MBD5: variants seen among roughly 807,000 people sequenced by gnomAD.
MBD5 encodes the protein methyl-CpG binding domain protein 5.
Under a neutral mutation model 117.3 loss-of-function variants are expected in MBD5, and 13 were observed. The observed-to-expected ratio is 0.11, with a 90% confidence interval of 0.07 to 0.18. MBD5 has a LOEUF of 0.18. Ranked by LOEUF, MBD5 falls within the 10% of genes least tolerant of loss-of-function variation. The probability of loss-of-function intolerance (pLI) is 1.00; values close to 1 mark genes in which losing one functional copy is unlikely to be tolerated. For missense variants in MBD5, 1,879 were observed against 2,093.8 expected, an observed-to-expected ratio of 0.90 and a Z score of 2.00; for synonymous variants, 727 against 766.4, an observed-to-expected ratio of 0.95 and a Z score of 0.85.
intron 4 of MBD5, among the ~76,000 whole-genome samples, chr2:148,362,234 T>C (rs1300512482): frequency 6.6e-6 from 1 of 152,186 alleles, no homozygotes; most frequent in Non-Finnish European, 1.5e-5. Context: ...TAAGATCCAC[T>C]GGCTTGAAAT....
At chr2:148,153,355 C>T (rs1184152631) in intron 1 of MBD5, among the ~76,000 whole-genome samples, 1 of 151,970 alleles carries the variant, frequency 6.6e-6, no homozygotes, top group African/African-American at 2.4e-5. Flanking sequence ...TGACCTTTCT[C>T]TCTGGCTGCC....
chr2:148,116,298 G>A (rs1018487018), intron 1 of MBD5, among the ~76,000 whole-genome samples: 1 of 151,844 alleles, frequency 6.6e-6, no homozygotes, highest in Admixed American at 6.6e-5. Flanking sequence ...TCATTGCTCA[G>A]AAGCCAGAGA....
chr2:148,045,072 G>A (rs892319412), intron 1 of MBD5, among the ~76,000 whole-genome samples: 1 of 152,134 alleles, frequency 6.6e-6, no homozygotes, highest in Non-Finnish European at 1.5e-5. Flanking sequence ...ACATCATTAT[G>A]TCTCTGTAAT....
intron 4 of MBD5, among the ~76,000 whole-genome samples, chr2:148,399,495 A>G (rs1704846400): frequency 6.6e-6 from 1 of 152,190 alleles, no homozygotes; most frequent in Non-Finnish European, 1.5e-5. Context: ...ATTTTAGCAC[A>G]TGGATTTTGT....
At chr2:148,213,734 A>G (rs576948215) in intron 2 of MBD5, among the ~76,000 whole-genome samples, 183 of 152,268 alleles carry the variant, frequency 1.2e-3, no homozygotes, top group Middle Eastern at 0.01. Context: ...TACCCCTTTT[A>G]ACTACATAAA....
intron 2 of MBD5, among the ~76,000 whole-genome samples, chr2:148,232,586 G>C (rs987625): frequency 0.3 from 45,444 of 151,538 alleles, 7,300 homozygotes; most frequent in South Asian, 0.43. Context: ...TGATCCTCCT[G>C]GTGGAGGCTC....
intron 3 of MBD5, among the ~76,000 whole-genome samples, chr2:148,321,969 T>C (rs916058031): frequency 2.0e-5 from 3 of 152,218 alleles, no homozygotes; most frequent in Admixed American, 6.5e-5. Context: ...TTGTTTGGTT[T>C]TCTCATTCTC....
chr2:148,235,194 T>C (rs1010730159), intron 3 of MBD5, among the ~76,000 whole-genome samples: 1 of 152,198 alleles, frequency 6.6e-6, no homozygotes, highest in African/African-American at 2.4e-5. Context: ...TTTTTATTGT[T>C]GTCATGTTAT....
chr2:148,471,021 G>A (rs1680778958), intron 8 of MBD5: 1 of 151,690 alleles, frequency 6.6e-6, no homozygotes, highest in South Asian at 2.1e-4. Context: ...CTTATTATTT[G>A]TTTGAGAAAA....
At chr2:148,159,344 G>A (rs758929014) in intron 1 of MBD5, among the ~76,000 whole-genome samples, 1 of 151,978 alleles carries the variant, frequency 6.6e-6, no homozygotes, top group Non-Finnish European at 1.5e-5. Context: ...TTGAGACAAG[G>A]TTTCACTCTG....
intron 4 of MBD5, among the ~76,000 whole-genome samples, chr2:148,343,460 A>G (rs1018228556): frequency 1.3e-5 from 2 of 151,946 alleles, no homozygotes; most frequent in Non-Finnish European, 2.9e-5. Context: ...TTTTAATAAT[A>G]GCCATTCTGA....
chr2:148,458,407 G>A lies in MBD5; in HGVS notation c.-352G>A, dbSNP rs1706949634. The A allele has an allele frequency of 1.1e-5, 6 of 541,060 alleles. No individual in the cohort carries two copies. The highest frequency in any genetic ancestry group is 1.9e-5 in the African/African-American group (1 of 53,118). The allele number at this position is 541,060 out of a possible 1,614,324, so 33.5% of individuals were successfully genotyped here. ...GTCTTAGTACAACATCAAGGTTCAA[G>A]ACAAATGTTGAACTAAAAACTTTAC... On this transcript the variant is annotated 5_prime_UTR_variant, in exon 5 of 14. Transcript: ENST00000642680.
At chr2:148,294,214 T>G (rs60328725) in intron 3 of MBD5, among the ~76,000 whole-genome samples, 32 of 137,220 alleles carry the variant, frequency 2.3e-4, no homozygotes, top group African/African-American at 9.0e-4. Flanking sequence ...TTTTTTTTTT[T>G]TTTTTTTTTT....
At chr2:148,289,184 T>G (rs1701440958) in intron 3 of MBD5, among the ~76,000 whole-genome samples, 1 of 152,218 alleles carries the variant, frequency 6.6e-6, no homozygotes, top group African/African-American at 2.4e-5. Flanking sequence ...ACAAACTCAT[T>G]CTTTTCCAGA....
chr2:148,472,875 G>T (rs1034985008), intron 8 of MBD5, among the ~76,000 whole-genome samples: 1 of 152,108 alleles, frequency 6.6e-6, no homozygotes, highest in South Asian at 2.1e-4. Flanking sequence ...GTTTTCTAAA[G>T]TATAAAGTAT....
chr2:148,385,818 G>A (rs1376241793), intron 4 of MBD5, among the ~76,000 whole-genome samples: 1 of 151,794 alleles, frequency 6.6e-6, no homozygotes, highest in East Asian at 1.9e-4. Flanking sequence ...TAGGGACATG[G>A]ATGAAGCTGG....
intron 1 of MBD5, among the ~76,000 whole-genome samples, chr2:148,124,708 A>T (rs956320626): frequency 6.6e-6 from 1 of 152,188 alleles, no homozygotes; most frequent in African/African-American, 2.4e-5. Context: ...TTACTTGCAT[A>T]TATGAGCATA....
chr2:148,156,778 A>G (rs894616320), intron 1 of MBD5, among the ~76,000 whole-genome samples: 5 of 152,242 alleles, frequency 3.3e-5, no homozygotes, highest in South Asian at 2.1e-4. Context: ...ATAATTATTT[A>G]TAGGAAATAA....
intron 12 of MBD5, among the ~76,000 whole-genome samples, chr2:148,505,044 G>A (rs773546050): frequency 1.1e-4 from 17 of 152,186 alleles, no homozygotes; most frequent in Non-Finnish European, 2.1e-4. Flanking sequence ...GGAGAACGAG[G>A]ACCCAAACCA....
Sources: gnomAD v4.1 joint callset for allele counts (sites outside exome capture counted in the v4.1 genomes callset) on GRCh38, gnomAD v4.1.1 for gene constraint, MANE v1.5 for transcripts, NCBI Gene and HGNC (gene_info 2026-07-23, HGNC 2026-07-21) for gene names.